COL22A1: variants seen among roughly 807,000 people sequenced by gnomAD.
COL22A1 encodes the protein collagen alpha-1(XXII) chain.
Under a neutral mutation model 248.9 loss-of-function variants are expected in COL22A1, and 221 were observed. That is an observed-to-expected ratio of 0.89 (90% CI 0.80 to 0.99). The LOEUF (loss-of-function observed/expected upper bound fraction) is 0.99. Among genes scored for constraint, COL22A1 ranks in the 50% least tolerant of loss-of-function variants. COL22A1 has a pLI of 0.00. For missense variants in COL22A1, 2,240 were observed against 2,179.0 expected (o/e 1.03, Z -0.56); for synonymous variants, 891 against 793.4 (o/e 1.12, Z -2.07).
chr8:138,845,516 A>AAAAT (rs10633143), intron 3 of COL22A1, among the ~76,000 whole-genome samples: 71,854 of 147,388 alleles, frequency 0.49, 19,513 homozygotes, highest in Middle Eastern at 0.67. Flanking sequence ...CTCCACCTCA[A>AAAAT]AAATAAATAA....
At chr8:138,724,088 T>C (rs1054223235) in intron 25 of COL22A1, among the ~76,000 whole-genome samples, 3 of 152,142 alleles carry the variant, frequency 2.0e-5, no homozygotes, top group Non-Finnish European at 2.9e-5. Flanking sequence ...TCATCCATCA[T>C]CCTGCCCTAA....
intron 1 of COL22A1, among the ~76,000 whole-genome samples, chr8:138,894,231 G>A (rs766845554): frequency 1.3e-5 from 2 of 152,150 alleles, no homozygotes; most frequent in Non-Finnish European, 2.9e-5. Context: ...TGGGGCCAGT[G>A]GATGTTTACA....
intron 47 of COL22A1, among the ~76,000 whole-genome samples, chr8:138,638,927 T>C (rs1479009263): frequency 6.6e-6 from 1 of 152,114 alleles, no homozygotes; most frequent in Non-Finnish European, 1.5e-5. Context: ...GTTGTCCCTG[T>C]CTCCTACTCC....
intron 44 of COL22A1, among the ~76,000 whole-genome samples, chr8:138,659,312 C>A (rs1377512175): frequency 1.3e-5 from 2 of 152,174 alleles, no homozygotes; most frequent in Non-Finnish European, 2.9e-5. Context: ...TGCCCGCCAA[C>A]TGAGATAAGG....
At chr8:138,900,357 T>C (rs1814455660) in intron 1 of COL22A1, among the ~76,000 whole-genome samples, 1 of 152,178 alleles carries the variant, frequency 6.6e-6, no homozygotes, top group African/African-American at 2.4e-5. Context: ...CACTCAGACA[T>C]CCCAGTGATT....
chr8:138,654,473 G>A (rs1191482594), intron 45 of COL22A1, among the ~76,000 whole-genome samples: 2 of 152,010 alleles, frequency 1.3e-5, no homozygotes. Context: ...TTTTTCTTTT[G>A]TTTTCCTCTC....
intron 9 of COL22A1, among the ~76,000 whole-genome samples, chr8:138,810,712 AGAAG>A (rs1818139784): frequency 6.6e-6 from 1 of 152,218 alleles, no homozygotes; most frequent in African/African-American, 2.4e-5. Context: ...TAGCACAAAA[AGAAG>A]GAAGGCAGAG....
intron 4 of COL22A1, among the ~76,000 whole-genome samples, chr8:138,836,591 T>C (rs1457132384): frequency 6.6e-6 from 1 of 152,176 alleles, no homozygotes; most frequent in African/African-American, 2.4e-5. Context: ...ACATGCGGCA[T>C]GGACAGGTGG....
intron 10 of COL22A1, 32 bp from the exon 11 acceptor site, chr8:138,802,966 A>G (rs933671203): frequency 1.3e-6 from 2 of 1,586,442 alleles, no homozygotes; most frequent in South Asian, 1.1e-5. Flanking sequence ...CAAGCATCAG[A>G]TTAGGTTTCC....
At position 138,703,318 on chromosome 8, in the gene COL22A1, C is replaced by T. The variant is rs781450372; in HGVS notation, c.2547G>A (p.Gly849=). The change falls in exon 31 of 65, where the codon GGG becomes GGA. Residue 849 remains glycine (G), a synonymous_variant. Coordinates refer to ENST00000303045, the MANE Select transcript of COL22A1 (RefSeq NM_152888.3). ...KGEAGPAGPP[G]LPGTTSLFTP... ...CGGAGTAACTTACAGTTCCAGGTAA[C>T]CCGGGAGGGCCTGCAGGACCAGCTT... is the stretch of plus-strand genomic sequence containing the variant. 2.4e-5 allele frequency: 38 copies of T among 1,613,530 alleles called. No homozygotes were observed. The highest frequency in any genetic ancestry group is 3.0e-5 in the Non-Finnish European group (35 of 1,179,650).
intron 60 of COL22A1, among the ~76,000 whole-genome samples, chr8:138,601,801 G>T (rs1818040710): frequency 6.6e-6 from 1 of 152,164 alleles, no homozygotes; most frequent in Admixed American, 6.5e-5. Context: ...CGGGGAGAAA[G>T]AAATCTGTCA....
intron 6 of COL22A1, among the ~76,000 whole-genome samples, chr8:138,823,670 T>A (rs1819346769): frequency 6.6e-6 from 1 of 152,280 alleles, no homozygotes; most frequent in South Asian, 2.1e-4. Context: ...CCTCTCACAG[T>A]GCTGGGATTA....
At chr8:138,652,381 G>A (rs1822816897) in intron 45 of COL22A1, among the ~76,000 whole-genome samples, 1 of 152,198 alleles carries the variant, frequency 6.6e-6, no homozygotes, top group South Asian at 2.1e-4. Flanking sequence ...CAGAGTGAAA[G>A]CATAGTGACT....
At chr8:138,899,324 G>C (rs1465161693) in intron 1 of COL22A1, among the ~76,000 whole-genome samples, 3 of 152,106 alleles carry the variant, frequency 2.0e-5, no homozygotes, top group African/African-American at 7.2e-5. Flanking sequence ...GATAAAAAAG[G>C]TTGAGAAAAT....
intron 3 of COL22A1, among the ~76,000 whole-genome samples, chr8:138,877,483 C>T (rs1202966368): frequency 1.3e-5 from 2 of 152,164 alleles, no homozygotes; most frequent in African/African-American, 2.4e-5. Flanking sequence ...TCATCCCAAA[C>T]CCCTTCTTGC....
At chr8:138,766,862 TC>T (rs1389997232) in intron 16 of COL22A1, among the ~76,000 whole-genome samples, 9 of 152,318 alleles carry the variant, frequency 5.9e-5, no homozygotes, top group Non-Finnish European at 1.0e-4. Context: ...CTGCAGGCCC[TC>T]CACTCAGACT....
At position 138,702,686 on chromosome 8, in the gene COL22A1, G is replaced by A. The variant is rs192701146; in HGVS notation, c.2559+620C>T. Among the ~76,000 whole-genome samples the A allele has an allele frequency of 4.6e-5, 7 of 151,676 alleles. No individual in the cohort carries two copies. In the East Asian group the frequency reaches 1.2e-3, roughly 25 times the overall value. Reference sequence around the variant, plus strand: ...GGGAGTAAGATAAATAATAATAATAGCAATTTTTAAGATTTTTAATATTTA... The same window carrying A: ...GGGAGTAAGATAAATAATAATAATAACAATTTTTAAGATTTTTAATATTTA... On this transcript the variant is annotated intron_variant, in intron 31 of 64. Transcript: ENST00000303045.
intron 12 of COL22A1, among the ~76,000 whole-genome samples, chr8:138,792,740 T>C (rs1226832130): frequency 6.6e-6 from 1 of 152,158 alleles, no homozygotes; most frequent in Admixed American, 6.5e-5. Context: ...CATCAGCTAA[T>C]GAGAGTGTGC....
In COL22A1 at chr8:138,613,929, A is replaced by G; in HGVS notation, c.3925-9T>C. 1 of 1,606,258 alleles carries G rather than the reference A, an allele frequency of 6.2e-7. No individual in the cohort carries two copies. Among genetic ancestry groups the G allele is most frequent in the South Asian group, 1.1e-5 (1 of 90,926 alleles). On this transcript the variant is annotated splice_polypyrimidine_tract_variant and intron_variant, in intron 55 of 64. Transcript: ENST00000303045. The stretch of plus-strand genomic sequence containing the variant: ...GTGGGTCCAGTGTCACCCTGGAACA[A>G]AGACAGAGAGATGGTGTCATCATCA...
Sources: allele counts gnomAD v4.1 joint callset (sites outside exome capture counted in the v4.1 genomes callset), GRCh38; gene constraint gnomAD v4.1.1; transcripts MANE v1.5; gene names NCBI Gene and HGNC (gene_info 2026-07-23, HGNC 2026-07-21).